Variants in CACNA1A observed in about 807,000 individuals in gnomAD.
CACNA1A encodes the protein voltage-dependent P/Q-type calcium channel subunit alpha-1A.
In CACNA1A, 57 loss-of-function variants were observed where a neutral mutation model predicts 262.4. The observed-to-expected ratio is 0.22, with a 90% CI of 0.18 to 0.27. The LOEUF is 0.27. Ranked by LOEUF, CACNA1A falls within the 10% of genes least tolerant of loss-of-function variation. The pLI is 1.00. For synonymous variants in CACNA1A, 1,431 were observed against 1,419.3 expected (o/e 1.01, Z -0.18); for missense variants, 2,526 against 3,562.8 (o/e 0.71, Z 7.41).
At chr19:13,243,192 C>T (rs1052134071) in intron 31 of CACNA1A, among the ~76,000 whole-genome samples, 9 of 152,208 alleles carry the variant, frequency 5.9e-5, no homozygotes, top group African/African-American at 2.2e-4. Context: ...GGAGAATGAC[C>T]AGGTGGGGGC....
At chr19:13,497,488 CAAAAAAAAAAAAAAAAAAAAA>C (rs59964256) in intron 1 of CACNA1A, among the ~76,000 whole-genome samples, 10 of 3,988 alleles carry the variant, frequency 2.5e-3, no homozygotes, top group East Asian at 0.013. Context: ...AACTCCATCT[CAAAAAAAAAAAAAAAAAAAAA>C]AAAAAAAAAA....
intron 6 of CACNA1A, among the ~76,000 whole-genome samples, chr19:13,344,497 CT>C (rs1459493140): frequency 1.3e-5 from 2 of 152,134 alleles, no homozygotes; most frequent in Non-Finnish European, 2.9e-5. Flanking sequence ...GGACTTGCCC[CT>C]TCCTGCAGCT....
chr19:13,214,383 C>T lies in CACNA1A; in HGVS notation c.5840-50G>A, dbSNP rs1258541682. On this transcript the variant is annotated intron_variant, in intron 39 of 46. Transcript: ENST00000360228. This position sits in a 1 kb window ranked among gnomAD's most constrained non-coding sequence, Gnocchi z 4.1. ...CACCAAGGGCAGGCCTCTTTGGGGC[C>T]CTTGTCCTGGGTCCCTGTGTATACC... 6.3e-7 allele frequency: 1 copy of T among 1,590,940 alleles called. No homozygotes were observed. Among genetic ancestry groups the T allele is most frequent in the Non-Finnish European group, 8.6e-7 (1 of 1,162,364 alleles).
At chr19:13,404,166 G>A (rs148597205) in intron 3 of CACNA1A, among the ~76,000 whole-genome samples, 85 of 150,528 alleles carry the variant, frequency 5.6e-4, no homozygotes, top group Admixed American at 2.0e-3. Flanking sequence ...ATGCACATAT[G>A]TGCATATATA....
intron 44 of CACNA1A, 38 bp downstream of exon 44, chr19:13,210,579 C>T (rs1276183994): frequency 1.1e-5 from 17 of 1,544,254 alleles, no homozygotes; most frequent in Admixed American, 3.9e-5. Context: ...AAGAGGGGGC[C>T]GGAGCCCTGC....
In CACNA1A at chr19:13,207,188, G is replaced by T. The variant is rs922045532; in HGVS notation, c.*125C>A. On this transcript the variant is annotated 3_prime_UTR_variant, in exon 47 of 47. Coordinates refer to ENST00000360228, the MANE Select transcript of CACNA1A (RefSeq NM_001127222.2). The surrounding 1 kb of genome is among the most constrained non-coding windows in gnomAD (Gnocchi z 5.7). ...CCAGCCCTGGCCTCTCCAGAGTCTG[G>T]GGTCTCCCGGCTGGCCCTCTCCCGG... 9.4e-7 allele frequency: 1 copy of T among 1,061,072 alleles called. No homozygotes were observed. Among genetic ancestry groups the T allele is most frequent in the South Asian group, 1.8e-5 (1 of 56,860 alleles). 65.7% of individuals were successfully genotyped at this position (1,061,072 alleles called of 1,614,324 possible).
In CACNA1A at chr19:13,238,090, C is replaced by T. The variant is rs182348957; in HGVS notation, c.4951-2360G>A. 2.7e-3 allele frequency among the ~76,000 whole-genome samples: 409 copies of T among 152,182 alleles called. 3 individuals carry two copies. Among genetic ancestry groups the T allele is most frequent in the African/African-American group, 9.4e-3 (390 of 41,512 alleles). On this transcript the variant is annotated intron_variant, in intron 31 of 46. Coordinates refer to ENST00000360228, the MANE Select transcript of CACNA1A (RefSeq NM_001127222.2). ...CACATGAGGCAGGTAGGGGTGGAGACGGGAAGGGTTTGGGGCAGTGGGGGA... is the reference window on the plus strand; with the variant it reads ...CACATGAGGCAGGTAGGGGTGGAGATGGGAAGGGTTTGGGGCAGTGGGGGA...
rs574706114 is a variant in CACNA1A at position 13,262,705 on chromosome 19, C to A, written c.4089+29G>T. The A allele has an allele frequency of 5.0e-4, 708 of 1,407,108 alleles. 10 individuals are homozygous for A. In the South Asian group the frequency reaches 7.3e-3, roughly 15 times the overall value. 87.2% of individuals were successfully genotyped at this position (1,407,108 alleles called of 1,614,324 possible). A position where few individuals can be genotyped will look rare whatever the true frequency, so the allele number is the denominator to read the frequency against. ...ACATGATAACCCTGACAGTCCCCCC[C>A]ACCGCACCCCACCATCTCCCAATCT... On this transcript the variant is annotated intron_variant, in intron 25 of 46. Coordinates refer to ENST00000360228, the MANE Select transcript of CACNA1A (RefSeq NM_001127222.2).
rs527454356 is a variant in CACNA1A, at chr19:13,434,535, G to A, written c.539+18341C>T. On this transcript the variant is annotated intron_variant, in intron 3 of 46. Coordinates refer to ENST00000360228, the MANE Select transcript of CACNA1A (RefSeq NM_001127222.2). ...AGATTTCCGCCTTGGTGCTATTCTC[G>A]AGATCGTGAGTGAGTTCTTGTGAGA... Among the ~76,000 whole-genome samples the A allele has an allele frequency of 3.3e-5, 5 of 152,176 alleles. No individual in the cohort carries two copies. The East Asian group carries it at 5.8e-4, about 18-fold the overall frequency.
intron 3 of CACNA1A, among the ~76,000 whole-genome samples, chr19:13,395,642 T>C (rs2059797111): frequency 6.6e-6 from 1 of 151,654 alleles, no homozygotes; most frequent in South Asian, 2.1e-4. Context: ...AAAGAAATTA[T>C]CTAACTTACG....
intron 5 of CACNA1A, among the ~76,000 whole-genome samples, chr19:13,361,716 G>A (rs749287714): frequency 1.3e-5 from 2 of 152,224 alleles, no homozygotes; most frequent in African/African-American, 4.8e-5. Context: ...AACTTAAGTT[G>A]TTGGAAACGC....
At chr19:13,406,019 T>C (rs961251809) in intron 3 of CACNA1A, among the ~76,000 whole-genome samples, 3 of 152,076 alleles carry the variant, frequency 2.0e-5, no homozygotes, top group Non-Finnish European at 1.5e-5. Flanking sequence ...GCCAGCTTTA[T>C]GGAGAACAGA....
chr19:13,496,573 G>T (rs1235077694), intron 1 of CACNA1A, among the ~76,000 whole-genome samples: 2 of 152,222 alleles, frequency 1.3e-5, no homozygotes, highest in Non-Finnish European at 2.9e-5. Context: ...GAGACCTTGT[G>T]ATTGTGTTCT....
chr19:13,402,873 C>CACATAT lies in CACNA1A; in HGVS notation c.540-31095_540-31094insATATGT, dbSNP rs1201892162. On this transcript the variant is annotated intron_variant, in intron 3 of 46. Transcript: ENST00000360228. ...ATATATATATACACACACACACACA[C>CACATAT]ATATATATATATATATATATATATA... 3.4e-3 allele frequency among the ~76,000 whole-genome samples: 244 copies of CACATAT among 72,706 alleles called. 1 individual carries two copies. Among genetic ancestry groups the CACATAT allele is most frequent in the Non-Finnish European group, 4.9e-3 (174 of 35,428 alleles). 47.7% of individuals were successfully genotyped at this position (72,706 alleles called of 152,430 possible).
rs1442991056 is a variant in CACNA1A at position 13,299,220 on chromosome 19, C to A, written c.2413G>T (p.Ala805Ser). ...NEMDPDERWK[A>S]AYTRHLRPDM... ...GGCCGCAGGTGCCGCGTGTAGGCAG[C>A]CTTCCAGCGCTCGTCCGGGTCCATT... The change falls in exon 19 of 47, where the codon GCT (alanine) becomes TCT (serine). Residue 805 changes from alanine to serine, a missense_variant. Ala to Ser is a moderately conservative substitution (Grantham distance 99, BLOSUM62 1). Around this residue, in one of 17 missense-constraint regions of CACNA1A, gnomAD observed 765 missense variants for 748.6 expected, o/e 1.02. Coordinates refer to ENST00000360228, the MANE Select transcript of CACNA1A (RefSeq NM_001127222.2). 5.0e-6 allele frequency: 8 copies of A among 1,611,284 alleles called. No homozygotes were observed. In the East Asian group the frequency reaches 1.6e-4, roughly 31 times the overall value.
Position 13,459,631 on chromosome 19 carries a change from C to T in CACNA1A, c.294-4419G>A, listed in dbSNP as rs117595364. On this transcript the variant is annotated intron_variant, in intron 1 of 46. Transcript: ENST00000360228. ...TGGAAAATAAGAGACAATATTTGTA[C>T]ACAGAGCAGCAACGCCAAGCCCTTC... Among the ~76,000 whole-genome samples, 535 of 152,332 alleles carry T rather than the reference C, an allele frequency of 3.5e-3. 3 individuals are homozygous for T. The highest frequency in any genetic ancestry group is 0.033 in the South Asian group (161 of 4,818).
chr19:13,380,411 C>T (rs1267437162), intron 3 of CACNA1A, among the ~76,000 whole-genome samples: 5 of 151,052 alleles, frequency 3.3e-5, no homozygotes, highest in African/African-American at 9.7e-5. Context: ...TTTGGGAGGC[C>T]GACGCAGGCA....
chr19:13,500,569 G>A (rs570294008), intron 1 of CACNA1A, among the ~76,000 whole-genome samples: 1 of 152,290 alleles, frequency 6.6e-6, no homozygotes, highest in African/African-American at 2.4e-5. Flanking sequence ...AGGGCTTTTA[G>A]ACGCATTGCA....
intron 30 of CACNA1A, among the ~76,000 whole-genome samples, chr19:13,250,629 C>T (rs995182153): frequency 1.3e-5 from 2 of 152,064 alleles, no homozygotes; most frequent in East Asian, 1.9e-4. Context: ...ATCTCTTGAC[C>T]TCATGATCCA....
Sources: allele counts gnomAD v4.1 joint callset (sites outside exome capture counted in the v4.1 genomes callset), GRCh38; gene constraint gnomAD v4.1.1; regional missense constraint gnomAD v4.1.1; non-coding constraint Gnocchi (gnomAD v3.1); transcripts MANE v1.5; gene names NCBI Gene and HGNC (gene_info 2026-07-23, HGNC 2026-07-21).